SLC38A6: variants seen among roughly 807,000 people sequenced by gnomAD.
SLC38A6 encodes N system amino acid transporter NAT-1.
A neutral mutation model predicts 65.0 loss-of-function variants in SLC38A6; 73 were observed. The observed-to-expected ratio is 1.12, with a 90% CI of 0.93 to 1.37. The LOEUF (loss-of-function observed/expected upper bound fraction) is 1.37. Ranked by LOEUF, SLC38A6 falls within the 40% of genes most tolerant of loss-of-function variation. The pLI is 0.00. For synonymous variants in SLC38A6, 183 were observed against 178.8 expected, an observed-to-expected ratio of 1.02 and a Z score of -0.19; for missense variants, 561 against 531.1, an observed-to-expected ratio of 1.06 and a Z score of -0.55.
intron 6 of SLC38A6, among the ~76,000 whole-genome samples, chr14:61,033,125 C>T (rs1316553630): frequency 6.6e-6 from 1 of 151,738 alleles, no homozygotes; most frequent in East Asian, 1.9e-4. Context: ...ATGATCTTGT[C>T]GGGGAATATG....
chr14:60,987,785 G>C lies in SLC38A6; in HGVS notation c.310+2982G>C, dbSNP rs79874565. Among the ~76,000 whole-genome samples, 166 of 152,314 alleles carry C rather than the reference G, an allele frequency of 1.1e-3. No individual in the cohort carries two copies. The East Asian group carries it at 0.023, about 21-fold the overall frequency. On this transcript the variant is annotated intron_variant, in intron 3 of 15. Coordinates refer to ENST00000267488, the MANE Select transcript of SLC38A6 (RefSeq NM_153811.3). ...GGCTTCCATGTCACTGTCAACTGGA[G>C]AGAGTGAGAGTCCTAGAACTCTGCA...
intron 8 of SLC38A6, among the ~76,000 whole-genome samples, chr14:61,042,262 T>G (rs538389771): frequency 6.6e-6 from 1 of 152,326 alleles, no homozygotes; most frequent in South Asian, 2.1e-4. Context: ...TTAGTCAAAA[T>G]CCAAAACTAG....
At chr14:60,981,993 G>A (rs954901490) in intron 1 of SLC38A6, among the ~76,000 whole-genome samples, 2 of 152,148 alleles carry the variant, frequency 1.3e-5, no homozygotes, top group African/African-American at 4.8e-5. Context: ...CCAGAACAAC[G>A]TGAATTGCTT....
intron 12 of SLC38A6, among the ~76,000 whole-genome samples, chr14:61,049,979 G>T (rs929309143): frequency 6.6e-6 from 1 of 152,082 alleles, no homozygotes; most frequent in Non-Finnish European, 1.5e-5. Context: ...CATAAAACAT[G>T]AATCCACAGA....
intron 8 of SLC38A6, among the ~76,000 whole-genome samples, chr14:61,042,397 G>A (rs1210891933): frequency 1.3e-5 from 2 of 152,186 alleles, no homozygotes; most frequent in African/African-American, 4.8e-5. Context: ...CATTTACAGA[G>A]TAATTATGTG....
chr14:61,042,395 G>A (rs956472278), intron 8 of SLC38A6, among the ~76,000 whole-genome samples: 2 of 152,186 alleles, frequency 1.3e-5, no homozygotes, highest in Non-Finnish European at 2.9e-5. Context: ...AACATTTACA[G>A]AGTAATTATG....
At chr14:61,047,231 T>C (rs2042207934) in intron 12 of SLC38A6, among the ~76,000 whole-genome samples, 1 of 152,190 alleles carries the variant, frequency 6.6e-6, no homozygotes, top group South Asian at 2.1e-4. Flanking sequence ...CTCAGATGGC[T>C]TGCCAATATC....
intron 3 of SLC38A6, among the ~76,000 whole-genome samples, chr14:60,992,258 T>G (rs995650365): frequency 6.6e-5 from 10 of 152,356 alleles, no homozygotes; most frequent in Admixed American, 5.9e-4. Flanking sequence ...CCAGAGGCTT[T>G]GTGAGCTCAA....
At chr14:60,999,437 C>T (rs1401166012) in intron 3 of SLC38A6, among the ~76,000 whole-genome samples, 1 of 151,802 alleles carries the variant, frequency 6.6e-6, no homozygotes, top group Non-Finnish European at 1.5e-5. Context: ...GTTTTAAAAC[C>T]CTCTGGAGCA....
rs1436931727 is a variant in SLC38A6 at position 61,052,453 on chromosome 14, C to A, written c.*24C>A. 1 of 1,555,780 alleles carries A rather than the reference C, an allele frequency of 6.4e-7. No individual in the cohort carries two copies. Among genetic ancestry groups the A allele is most frequent in the African/African-American group, 1.4e-5 (1 of 71,486 alleles). ...AAAAGAAATATTTTCCTACTTCTTA[C>A]AAGAATAATATACCCCTAGTTGCAA... On this transcript the variant is annotated 3_prime_UTR_variant, in exon 16 of 16. Coordinates refer to ENST00000267488, the MANE Select transcript of SLC38A6 (RefSeq NM_153811.3).
rs753384203 is a variant in SLC38A6, at chr14:61,050,599, TTGCTG to T, written c.1018_1022del (p.Val340PhefsTer49). ...ATGACTGTGAAGTTATGCATACTATTTGCTGTGCTTTTGACAGTCCCTCTAATCCA... is the reference window on the plus strand; with the variant it reads ...ATGACTGTGAAGTTATGCATACTATTTGCTTTTGACAGTCCCTCTAATCCA... On this transcript the variant is annotated frameshift_variant, in exon 13 of 16. Coordinates refer to ENST00000267488, the MANE Select transcript of SLC38A6 (RefSeq NM_153811.3). LOFTEE classifies it high-confidence loss of function. 6.3e-7 allele frequency: 1 copy of T among 1,599,096 alleles called. No individual in the cohort carries two copies. Among genetic ancestry groups the T allele is most frequent in the South Asian group, 1.1e-5 (1 of 88,772 alleles).
intron 2 of SLC38A6, among the ~76,000 whole-genome samples, chr14:60,984,023 G>T (rs1391602421): frequency 6.6e-6 from 1 of 151,986 alleles, no homozygotes; most frequent in South Asian, 2.1e-4. Flanking sequence ...AATGACTGGG[G>T]CAGTTCACTG....
intron 3 of SLC38A6, chr14:60,987,095 A>G (rs367848400): frequency 3.5e-5 from 14 of 403,202 alleles, no homozygotes; most frequent in African/African-American, 1.5e-4. Context: ...TTCTGCCTGC[A>G]CATTGACTCA....
chr14:61,023,563 AAAT>A (rs139726383), intron 5 of SLC38A6, among the ~76,000 whole-genome samples: 2,612 of 141,436 alleles, frequency 0.018, 89 homozygotes, highest in African/African-American at 0.063. Context: ...ACTGTCTCAA[AAAT>A]AATAATAATA....
At chr14:61,055,273 C>T (rs1422752199), downstream of SLC38A6, among the ~76,000 whole-genome samples, 19 of 58,312 alleles carry the variant, frequency 3.3e-4, no homozygotes, top group East Asian at 7.3e-3. Flanking sequence ...CCCCCTCCCC[C>T]GACCCCACCA....
intron 3 of SLC38A6, chr14:60,987,169 C>CTTT: frequency 2.6e-4 from 49 of 192,102 alleles, no homozygotes; most frequent in Middle Eastern, 1.3e-3. Flanking sequence ...TAGGCTTTTC[C>CTTT]TTTTTTTTTT....
intron 9 of SLC38A6, 23 bp from the exon 10 acceptor site, chr14:61,043,421 CTCTTTT>C: frequency 6.4e-7 from 1 of 1,552,376 alleles, no homozygotes; most frequent in African/African-American, 1.4e-5. Flanking sequence ...CTGTTGGTTT[CTCTTTT>C]TCCCCTCAAT....
intron 6 of SLC38A6, among the ~76,000 whole-genome samples, chr14:61,034,536 T>C (rs946365914): frequency 5.3e-5 from 8 of 152,106 alleles, no homozygotes; most frequent in African/African-American, 1.7e-4. Flanking sequence ...GGGTCTAACA[T>C]TGGGTCCCAG....
rs553047226 is a variant in SLC38A6 at position 61,067,947 on chromosome 14, A to G, written c.1291-10863A>G. On this transcript the variant is annotated intron_variant, in intron 15 of 16. Transcript: ENST00000354886. Reference sequence around the variant, plus strand: ...AGATAAAAATGTTAAATGAGACAAGACTAACCAGAGGGCCCTGCAGCCCAC... The same window carrying G: ...AGATAAAAATGTTAAATGAGACAAGGCTAACCAGAGGGCCCTGCAGCCCAC... Among the ~76,000 whole-genome samples the G allele has an allele frequency of 3.3e-5, 5 of 152,286 alleles. No homozygotes were observed. In the South Asian group the frequency reaches 1.0e-3, roughly 32 times the overall value.
Sources: allele counts gnomAD v4.1 joint callset (sites outside exome capture counted in the v4.1 genomes callset), GRCh38; gene constraint gnomAD v4.1.1; transcripts MANE v1.5; gene names NCBI Gene and HGNC (gene_info 2026-07-23, HGNC 2026-07-21).